NEBL: variants seen among roughly 807,000 people sequenced by gnomAD.
The protein encoded by NEBL is LIM and SH3 protein 2.
NEBL carries 122 observed loss-of-function variants against 140.2 expected under a neutral mutation model. That is an observed-to-expected ratio of 0.87 (90% CI 0.75 to 1.01). NEBL has a LOEUF of 1.01. Among genes scored for constraint, NEBL ranks in the 50% least tolerant of loss-of-function variants. The pLI is 0.00. For missense variants in NEBL, 1,365 were observed against 1,231.3 expected (o/e 1.11, Z -1.62); for synonymous variants, 436 against 398.9 (o/e 1.09, Z -1.11).
intron 18 of NEBL, among the ~76,000 whole-genome samples, chr10:20,826,189 T>C (rs1489721819): frequency 6.6e-6 from 1 of 152,174 alleles, no homozygotes; most frequent in Non-Finnish European, 1.5e-5. Context: ...AGAGATGAAA[T>C]CTAACCCTAG....
intron 2 of NEBL, among the ~76,000 whole-genome samples, chr10:21,138,755 A>G (rs1839475888): frequency 6.6e-6 from 1 of 151,826 alleles, no homozygotes; most frequent in Non-Finnish European, 1.5e-5. Context: ...GCAAAACTCC[A>G]TTTTGAACTC....
intron 2 of NEBL, among the ~76,000 whole-genome samples, chr10:21,136,599 C>A (rs890126695): frequency 1.3e-5 from 2 of 152,192 alleles, no homozygotes; most frequent in Non-Finnish European, 2.9e-5. Flanking sequence ...AGCTTCCCCA[C>A]CTCTCCTTCT....
chr10:21,067,127 C>T (rs1835598997), intron 2 of NEBL, among the ~76,000 whole-genome samples: 1 of 151,876 alleles, frequency 6.6e-6, no homozygotes, highest in Non-Finnish European at 1.5e-5. Context: ...CGCCCGCCAC[C>T]ACGCCCGGCT....
At chr10:20,990,655 G>C (rs1837424155) in intron 3 of NEBL, among the ~76,000 whole-genome samples, 1 of 152,170 alleles carries the variant, frequency 6.6e-6, no homozygotes, top group Admixed American at 6.5e-5. Context: ...CCAGGCCAAA[G>C]ATATCTCAGA....
chr10:20,924,164 C>G (rs1272468551), intron 4 of NEBL, among the ~76,000 whole-genome samples: 1 of 151,998 alleles, frequency 6.6e-6, no homozygotes, highest in Non-Finnish European at 1.5e-5. Flanking sequence ...TATCTAAAGA[C>G]TTTTTAATTG....
intron 4 of NEBL, among the ~76,000 whole-genome samples, chr10:20,884,377 A>C (rs975008437): frequency 6.6e-6 from 1 of 152,164 alleles, no homozygotes; most frequent in African/African-American, 2.4e-5. Flanking sequence ...GCATCTGGCC[A>C]AATGTGGCAT....
chr10:20,814,068 G>C, intron 22 of NEBL, 25 bp from the exon 23 acceptor site: 3 of 1,378,208 alleles, frequency 2.2e-6, no homozygotes, highest in Non-Finnish European at 3.1e-6. Context: ...GTAGGCATAA[G>C]ACAATGATAA....
intron 2 of NEBL, among the ~76,000 whole-genome samples, chr10:21,110,118 C>A (rs2132015651): frequency 6.6e-6 from 1 of 152,184 alleles, no homozygotes; most frequent in Middle Eastern, 3.4e-3. Flanking sequence ...TTAGATCTTT[C>A]CTGTTTTCTC....
chr10:21,246,759 G>A (rs1453295813), intron 3 of NEBL, among the ~76,000 whole-genome samples: 2 of 152,138 alleles, frequency 1.3e-5, no homozygotes, highest in Non-Finnish European at 2.9e-5. Context: ...CTTGAGCCCA[G>A]GAGTTTTGAG....
intron 3 of NEBL, among the ~76,000 whole-genome samples, chr10:21,197,351 G>A (rs1433610044): frequency 6.6e-6 from 1 of 152,178 alleles, no homozygotes. Flanking sequence ...ATGTCTAGAA[G>A]TTTTTCTTCT....
chr10:20,852,682 T>G, intron 9 of NEBL, 33 bp from the exon 10 acceptor site: 1 of 1,473,718 alleles, frequency 6.8e-7, no homozygotes, highest in Non-Finnish European at 9.5e-7. Context: ...CAACTTAGAA[T>G]CAAAGAGACT....
Position 20,781,771 on chromosome 10 carries a change from AG to A in NEBL, c.*3975del, listed in dbSNP as rs1835052487. ...ACAGTTGACAGTTAGTTGCGAGGAA[AG>A]GGTCCAAAAGGCATGGAATACTTCA... is the stretch of plus-strand genomic sequence containing the variant. On this transcript the variant is annotated 3_prime_UTR_variant, in exon 28 of 28. Transcript: ENST00000377122. The A allele has an allele frequency of 6.6e-6, 1 of 152,628 alleles. No individual in the cohort carries two copies. The highest frequency in any genetic ancestry group is 2.1e-4 in the South Asian group (1 of 4,834). 9.5% of individuals were successfully genotyped at this position (152,628 alleles called of 1,614,324 possible).
chr10:21,095,048 A>G (rs1460106899), intron 2 of NEBL, among the ~76,000 whole-genome samples: 1 of 152,216 alleles, frequency 6.6e-6, no homozygotes, highest in Non-Finnish European at 1.5e-5. Flanking sequence ...TCTGGGAACC[A>G]CCTGCATCCC....
At chr10:20,899,412 T>G (rs779360002), upstream of NEBL, 25 of 1,303,896 alleles carry the variant, frequency 1.9e-5, no homozygotes, top group Non-Finnish European at 2.5e-5. Flanking sequence ...ATTTCTCATT[T>G]CCCATCACGT....
At chr10:21,280,296 C>T (rs770256651) in intron 1 of NEBL, among the ~76,000 whole-genome samples, 3 of 152,194 alleles carry the variant, frequency 2.0e-5, no homozygotes, top group African/African-American at 4.8e-5. Context: ...CACCCATATG[C>T]TCCCATACAT....
intron 7 of NEBL, among the ~76,000 whole-genome samples, chr10:20,863,169 T>C (rs1311437803): frequency 6.6e-6 from 1 of 152,074 alleles, no homozygotes; most frequent in Non-Finnish European, 1.5e-5. Context: ...TATAAAGAAA[T>C]GAGAAGTTAC....
At chr10:21,263,474 G>A (rs1157254406) in intron 1 of NEBL, among the ~76,000 whole-genome samples, 1 of 152,148 alleles carries the variant, frequency 6.6e-6, no homozygotes, top group Non-Finnish European at 1.5e-5. Context: ...AAGCGGGGGA[G>A]GTTGTGAAAC....
rs139119803 is a variant in NEBL at position 21,065,139 on chromosome 10, G to T, written c.165-44938C>A. Among the ~76,000 whole-genome samples the T allele has an allele frequency of 1.2e-4, 18 of 152,244 alleles. No individual in the cohort carries two copies. In the East Asian group the frequency reaches 3.5e-3, roughly 29 times the overall value. ...AAAGATTCTTTATAAACATGGAAAT[G>T]GGTGTAAGGAACAAATGAAAAAAAT... is the stretch of plus-strand genomic sequence containing the variant. On this transcript the variant is annotated intron_variant, in intron 2 of 6. Coordinates refer to the NEBL transcript ENST00000417816.
At chr10:21,108,245 T>G (rs1057274794) in intron 2 of NEBL, among the ~76,000 whole-genome samples, 2 of 152,168 alleles carry the variant, frequency 1.3e-5, no homozygotes, top group Non-Finnish European at 1.5e-5. Flanking sequence ...TTATTTTAAT[T>G]GTGATGTTAG....
Sources: allele counts gnomAD v4.1 joint callset (sites outside exome capture counted in the v4.1 genomes callset), GRCh38; gene constraint gnomAD v4.1.1; transcripts MANE v1.5; gene names NCBI Gene and HGNC (gene_info 2026-07-23, HGNC 2026-07-21).